Variants in PKD2L1 observed in about 807,000 individuals in gnomAD.
PKD2L1 encodes polycystin 2 like 1, transient receptor potential cation channel.
A neutral mutation model predicts 93.0 loss-of-function variants in PKD2L1; 77 were observed. The observed-to-expected ratio is 0.83, with a 90% CI of 0.69 to 1.00. PKD2L1 has a LOEUF of 1.00. Ranked by LOEUF, PKD2L1 falls within the 50% of genes least tolerant of loss-of-function variation. The probability of loss-of-function intolerance (pLI) is 0.00; values close to 1 mark genes in which losing one functional copy is unlikely to be tolerated. For missense variants in PKD2L1, 977 were observed against 990.9 expected, an observed-to-expected ratio of 0.99 and a Z score of 0.19; for synonymous variants, 390 against 388.0, an observed-to-expected ratio of 1.01 and a Z score of -0.06.
rs71013441 is a variant in PKD2L1, at chr10:100,295,731, C to CA, written c.1356+390dup. Among the ~76,000 whole-genome samples, 506 of 56,260 alleles carry CA rather than the reference C, an allele frequency of 9.0e-3. 5 individuals are homozygous for CA. The highest frequency in any genetic ancestry group is 0.022 in the South Asian group (32 of 1,458). The allele number at this position is 56,260 out of a possible 152,430, so 36.9% of individuals were successfully genotyped here. On this transcript the variant is annotated intron_variant, in intron 7 of 15. Transcript: ENST00000318222. The stretch of plus-strand genomic sequence containing the variant: ...CAGACAACAGAGTGAGACTTCGTCT[C>CA]AAAAAAAAAAAAAAAAAAAAAAAGT...
intron 2 of PKD2L1, among the ~76,000 whole-genome samples, chr10:100,301,460 C>CCG (rs1554916410): frequency 1.3e-5 from 2 of 151,606 alleles, no homozygotes; most frequent in African/African-American, 4.8e-5. Context: ...AGAGGCCCCC[C>CCG]CCCCGGGAAT....
At chr10:100,310,845 G>C (rs1218884962) in intron 2 of PKD2L1, among the ~76,000 whole-genome samples, 2 of 152,170 alleles carry the variant, frequency 1.3e-5, no homozygotes, top group African/African-American at 4.8e-5. Context: ...AAGGAGCTGG[G>C]ACTACAGGCA....
intron 2 of PKD2L1, among the ~76,000 whole-genome samples, chr10:100,320,056 G>A (rs1849193050): frequency 6.6e-6 from 1 of 152,206 alleles, no homozygotes; most frequent in African/African-American, 2.4e-5. Flanking sequence ...CTCTGCTGAG[G>A]AATAGCTGGG....
intron 11 of PKD2L1, among the ~76,000 whole-genome samples, chr10:100,292,310 G>C (rs754343474): frequency 1.3e-5 from 2 of 151,982 alleles, no homozygotes; most frequent in Non-Finnish European, 2.9e-5. Flanking sequence ...TGGCCAACAT[G>C]GCAAAATCCC....
chr10:100,326,964 G>T (rs1019444707), intron 2 of PKD2L1, among the ~76,000 whole-genome samples: 2 of 152,176 alleles, frequency 1.3e-5, no homozygotes, highest in Non-Finnish European at 2.9e-5. Context: ...ATGACCAAGG[G>T]CAAGCTATAT....
In PKD2L1 at chr10:100,290,397, G is replaced by C; in HGVS notation, c.2126+4C>G. Reference sequence around the variant, plus strand: ...CTGAACCAGCCTTTCTTGGCTGCACGTACATGTAGAATTCTTCTCCTGAAA... The same window carrying C: ...CTGAACCAGCCTTTCTTGGCTGCACCTACATGTAGAATTCTTCTCCTGAAA... On this transcript the variant is annotated splice_donor_region_variant and intron_variant, in intron 13 of 15. Coordinates refer to ENST00000318222, the MANE Select transcript of PKD2L1 (RefSeq NM_016112.3). The C allele has an allele frequency of 3.1e-6, 5 of 1,589,258 alleles. No individual in the cohort carries two copies. The highest frequency in any genetic ancestry group is 4.3e-6 in the Non-Finnish European group (5 of 1,158,800).
chr10:100,288,153 C>T lies in PKD2L1; in HGVS notation c.*243G>A, dbSNP rs1264673759. 14 of 456,472 alleles carry T rather than the reference C, an allele frequency of 3.1e-5. No homozygotes were observed. The highest frequency in any genetic ancestry group is 4.7e-5 in the Non-Finnish European group (12 of 253,318). 28.3% of individuals were successfully genotyped at this position (456,472 alleles called of 1,614,324 possible). On this transcript the variant is annotated 3_prime_UTR_variant, in exon 16 of 16. Transcript: ENST00000318222. ...GAAGCAAATGCAAAGTCCAAGTTTTCCTAAGGAGTTTTATTGATAGCCACC... is the reference window on the plus strand; with the variant it reads ...GAAGCAAATGCAAAGTCCAAGTTTTTCTAAGGAGTTTTATTGATAGCCACC...
At chr10:100,310,614 ACAC>A (rs1848912179) in intron 2 of PKD2L1, among the ~76,000 whole-genome samples, 1 of 152,190 alleles carries the variant, frequency 6.6e-6, no homozygotes, top group African/African-American at 2.4e-5. Flanking sequence ...GCACACACAC[ACAC>A]TTCTCCTAAA....
intron 2 of PKD2L1, among the ~76,000 whole-genome samples, chr10:100,301,021 G>A (rs187904388): frequency 6.6e-6 from 1 of 152,328 alleles, no homozygotes. Context: ...GTACAAAAGA[G>A]AGAAATTTTA....
intron 2 of PKD2L1, among the ~76,000 whole-genome samples, chr10:100,307,346 C>T (rs183211385): frequency 6.6e-6 from 1 of 152,330 alleles, no homozygotes; most frequent in East Asian, 1.9e-4. Context: ...TTGTGTATCA[C>T]TCCCAGAATT....
chr10:100,329,282 C>G lies in PKD2L1; in HGVS notation c.278G>C (p.Arg93Pro). 6.2e-7 allele frequency: 1 copy of G among 1,614,084 alleles called. No individual in the cohort carries two copies. The highest frequency in any genetic ancestry group is 1.3e-5 in the African/African-American group (1 of 75,024). ...TTLTENTAEN[R>P]ELYIKTTLRE... ...CAGGGTGGTCTTGATATAAAGTTCCCGGTTCTCAGCTGTGTTCTCAGTCAG... is the reference window on the plus strand; with the variant it reads ...CAGGGTGGTCTTGATATAAAGTTCCGGGTTCTCAGCTGTGTTCTCAGTCAG... The change falls in exon 2 of 16, where the codon CGG (arginine) becomes CCG (proline). Residue 93 changes from arginine (R) to proline (P), a missense_variant. Arg to Pro is a moderately radical substitution (Grantham distance 103). Coordinates refer to ENST00000318222, the MANE Select transcript of PKD2L1 (RefSeq NM_016112.3).
intron 2 of PKD2L1, among the ~76,000 whole-genome samples, chr10:100,314,655 T>C (rs1849022776): frequency 6.6e-6 from 1 of 152,132 alleles, no homozygotes; most frequent in Admixed American, 6.6e-5. Flanking sequence ...CAGACGGCAT[T>C]GCTGTTGACT....
chr10:100,290,465 G>T lies in PKD2L1; in HGVS notation c.2062C>A (p.Gln688Lys). 1.2e-6 allele frequency: 2 copies of T among 1,613,752 alleles called. No homozygotes were observed. Among genetic ancestry groups the T allele is most frequent in the Non-Finnish European group, 1.7e-6 (2 of 1,180,010 alleles). The change falls in exon 13 of 16, where the codon CAA becomes AAA. Residue 688 changes from glutamine (Q) to lysine (K), a missense_variant. Coordinates refer to ENST00000318222, the MANE Select transcript of PKD2L1 (RefSeq NM_016112.3). ...KLGRSIVSSPQGKSGPEAARA... is the reference protein window; with the variant it reads ...KLGRSIVSSPKGKSGPEAARA... ...GCAGCCTCTGGACCCGATTTGCCTT[G>T]TGGGCTGCTCACAATAGATCGGCCT... is the stretch of plus-strand genomic sequence containing the variant.
chr10:100,304,855 AATGAGC>A (rs1848762224), intron 2 of PKD2L1, among the ~76,000 whole-genome samples: 2 of 152,156 alleles, frequency 1.3e-5, no homozygotes. Context: ...GATGTAGCAG[AATGAGC>A]ATGAGCACTG....
intron 2 of PKD2L1, among the ~76,000 whole-genome samples, chr10:100,326,227 A>C (rs1206888204): frequency 1.3e-5 from 2 of 152,198 alleles, no homozygotes; most frequent in Non-Finnish European, 2.9e-5. Context: ...TGTCCCCCTC[A>C]GAATAAAGTC....
At chr10:100,314,741 A>G (rs1387457944) in intron 2 of PKD2L1, among the ~76,000 whole-genome samples, 2 of 151,876 alleles carry the variant, frequency 1.3e-5, no homozygotes, top group Non-Finnish European at 2.9e-5. Flanking sequence ...TGTCTAGAAA[A>G]CAATTGAAAT....
At chr10:100,326,048 T>C (rs768741692) in intron 2 of PKD2L1, among the ~76,000 whole-genome samples, 1 of 152,186 alleles carries the variant, frequency 6.6e-6, no homozygotes, top group Admixed American at 6.5e-5. Flanking sequence ...GGTAAGGTTT[T>C]TGTTTTTAAA....
Position 100,297,615 on chromosome 10 carries a change from GA to G in PKD2L1, c.732-10del. ...GCGAGTGGTATGTCCACCTGCCACA[GA>G]AAATGCCAGCTGAGCCAGCCCAAAA... On this transcript the variant is annotated splice_polypyrimidine_tract_variant and intron_variant, in intron 4 of 15. Coordinates refer to ENST00000318222, the MANE Select transcript of PKD2L1 (RefSeq NM_016112.3). 1 of 1,607,906 alleles carries G rather than the reference GA, an allele frequency of 6.2e-7. No homozygotes were observed. The highest frequency in any genetic ancestry group is 8.5e-7 in the Non-Finnish European group (1 of 1,175,516).
chr10:100,290,743 T>A (rs991382889), intron 12 of PKD2L1, among the ~76,000 whole-genome samples: 1 of 152,142 alleles, frequency 6.6e-6, no homozygotes, highest in Non-Finnish European at 1.5e-5. Context: ...CCTAGAAGGC[T>A]TGATGGATGA....
Sources: allele counts gnomAD v4.1 joint callset (sites outside exome capture counted in the v4.1 genomes callset), GRCh38; gene constraint gnomAD v4.1.1; transcripts MANE v1.5; gene names NCBI Gene and HGNC (gene_info 2026-07-23, HGNC 2026-07-21).